SUFU: variants seen among roughly 807,000 people sequenced by gnomAD.
The protein encoded by SUFU is SUFU negative regulator of hedgehog signaling.
In SUFU, 7 loss-of-function variants were observed where a neutral mutation model predicts 58.9. The ratio of observed to expected loss-of-function variants is 0.12; its 90% CI spans 0.07 to 0.22. The LOEUF is 0.22. Among genes scored for constraint, SUFU ranks in the 10% least tolerant of loss-of-function variants. SUFU has a pLI of 1.00. For synonymous variants in SUFU, 232 were observed against 254.8 expected (o/e 0.91, Z 0.85); for missense variants, 451 against 641.3 (o/e 0.70, Z 3.20).
Position 102,540,671 on chromosome 10 carries a change from C to A in SUFU, c.318-9299C>A, listed in dbSNP as rs145505260. 4.4e-3 allele frequency among the ~76,000 whole-genome samples: 669 copies of A among 150,932 alleles called. 7 individuals carry two copies. The highest frequency in any genetic ancestry group is 0.016 in the African/African-American group (632 of 40,758). On this transcript the variant is annotated intron_variant, in intron 2 of 11. Coordinates refer to ENST00000369902, the MANE Select transcript of SUFU (RefSeq NM_016169.4). ...GTCTCAAAAAATAATAACTAACTAA[C>A]TAAATAAATACTATACCCGTGGCAT...
chr10:102,505,762 A>G (rs2062317274), intron 1 of SUFU, among the ~76,000 whole-genome samples: 1 of 152,176 alleles, frequency 6.6e-6, no homozygotes, highest in African/African-American at 2.4e-5. Flanking sequence ...GTCCTCTCTC[A>G]CTGGCGAACT....
chr10:102,627,506 C>T (rs1409457511), intron 11 of SUFU, among the ~76,000 whole-genome samples: 1 of 152,234 alleles, frequency 6.6e-6, no homozygotes, highest in Non-Finnish European at 1.5e-5. Flanking sequence ...CCCAGCAAAT[C>T]GTCTGAATTG....
Position 102,630,512 on chromosome 10 carries a change from C to T in SUFU, c.*357C>T, listed in dbSNP as rs778015806. On this transcript the variant is annotated 3_prime_UTR_variant, in exon 12 of 12. Transcript: ENST00000369902. ...GCCCTCTTTCTCACCTACCCCCTGCCGCACAGCCCAGCAGGAGGGAGGCGG... is the reference window on the plus strand; with the variant it reads ...GCCCTCTTTCTCACCTACCCCCTGCTGCACAGCCCAGCAGGAGGGAGGCGG... The T allele has an allele frequency of 4.5e-6, 2 of 442,644 alleles. No homozygotes were observed. The highest frequency in any genetic ancestry group is 2.0e-5 in the African/African-American group (1 of 51,064). The allele number at this position is 442,644 out of a possible 1,614,324, so 27.4% of individuals were successfully genotyped here. A position where few individuals can be genotyped will look rare whatever the true frequency, so the allele number is the denominator to read the frequency against.
intron 2 of SUFU, among the ~76,000 whole-genome samples, chr10:102,520,572 A>G (rs904090680): frequency 6.6e-6 from 1 of 152,318 alleles, no homozygotes; most frequent in East Asian, 1.9e-4. Flanking sequence ...ACAGCACCAT[A>G]CAAACTAGTT....
At chr10:102,543,938 C>CTTAA (rs1278107184) in intron 2 of SUFU, among the ~76,000 whole-genome samples, 1 of 152,174 alleles carries the variant, frequency 6.6e-6, no homozygotes, top group Non-Finnish European at 1.5e-5. Context: ...AGAAGATAGA[C>CTTAA]TTAATTAGGC....
intron 8 of SUFU, among the ~76,000 whole-genome samples, chr10:102,609,889 G>C (rs1048819711): frequency 6.6e-6 from 1 of 152,144 alleles, no homozygotes; most frequent in African/African-American, 2.4e-5. Flanking sequence ...TAGTGAGCTT[G>C]GTGTCACTCT....
chr10:102,555,021 T>C (rs542115175), intron 3 of SUFU, among the ~76,000 whole-genome samples: 14 of 152,200 alleles, frequency 9.2e-5, no homozygotes, highest in South Asian at 6.2e-4. Context: ...GTAATCCCAG[T>C]ACTCTGGGAG....
chr10:102,616,229 C>T (rs111313582), intron 9 of SUFU, among the ~76,000 whole-genome samples: 2 of 152,346 alleles, frequency 1.3e-5, no homozygotes, highest in African/African-American at 2.4e-5. Flanking sequence ...CAGCTCTGTG[C>T]TCAGGGCTGC....
chr10:102,617,934 G>A lies in SUFU; in HGVS notation c.1296+506G>A, dbSNP rs1268860032. On this transcript the variant is annotated intron_variant, in intron 10 of 11. Coordinates refer to ENST00000369902, the MANE Select transcript of SUFU (RefSeq NM_016169.4). The surrounding 1 kb of genome is among the most constrained non-coding windows in gnomAD (Gnocchi z 4.4). The stretch of plus-strand genomic sequence containing the variant: ...CCTACCCCCATCTGACAGCCCTCCC[G>A]TTCCTCCTGAGTTTGTGTGACCAGA... 3.2e-5 allele frequency: 7 copies of A among 216,352 alleles called. No individual in the cohort carries two copies. The highest frequency in any genetic ancestry group is 1.0e-4 in the Admixed American group (2 of 19,312). 13.4% of individuals were successfully genotyped at this position (216,352 alleles called of 1,614,324 possible). A position where few individuals can be genotyped will look rare whatever the true frequency, so the allele number is the denominator to read the frequency against.
At chr10:102,623,804 G>C (rs985156286) in intron 10 of SUFU, among the ~76,000 whole-genome samples, 11 of 152,190 alleles carry the variant, frequency 7.2e-5, no homozygotes, top group Non-Finnish European at 4.4e-5. Flanking sequence ...GCCGGACATG[G>C]TGATGGTCAC....
intron 8 of SUFU, among the ~76,000 whole-genome samples, chr10:102,603,125 G>A (rs1432130233): frequency 1.3e-5 from 2 of 152,156 alleles, no homozygotes; most frequent in African/African-American, 4.8e-5. Flanking sequence ...CAGAAGATAC[G>A]TGTGGTCAGG....
At chr10:102,618,976 G>GTGTGTGTA in intron 10 of SUFU, 1 of 928,764 alleles carries the variant, frequency 1.1e-6, no homozygotes, top group Non-Finnish European at 1.8e-6. Flanking sequence ...GTGTGTGTGT[G>GTGTGTGTA]TGTAATGTTC....
At chr10:102,553,567 C>G (rs1252272690) in intron 3 of SUFU, among the ~76,000 whole-genome samples, 2 of 152,014 alleles carry the variant, frequency 1.3e-5, no homozygotes, top group Admixed American at 1.3e-4. Context: ...AGATTCACGC[C>G]ATTCTCCTGC....
chr10:102,575,722 C>G (rs940593547), intron 3 of SUFU, among the ~76,000 whole-genome samples: 3 of 152,212 alleles, frequency 2.0e-5, no homozygotes, highest in African/African-American at 7.2e-5. Flanking sequence ...CAGATTAGTG[C>G]CACTGCATTT....
chr10:102,509,095 A>G (rs1245497406), intron 1 of SUFU, 74 bp from the exon 2 acceptor site: 56 of 1,605,090 alleles, frequency 3.5e-5, no homozygotes, highest in Non-Finnish European at 4.2e-5. Flanking sequence ...TAGGTTTACA[A>G]AGTAGAGCGC....
chr10:102,537,655 A>T (rs1202782127), intron 2 of SUFU, among the ~76,000 whole-genome samples: 1 of 152,068 alleles, frequency 6.6e-6, no homozygotes, highest in Non-Finnish European at 1.5e-5. Context: ...ATCATATGAC[A>T]TTTGTCCCTT....
chr10:102,586,541 C>T (rs2063337558), intron 3 of SUFU, among the ~76,000 whole-genome samples: 1 of 151,936 alleles, frequency 6.6e-6, no homozygotes. Flanking sequence ...GGCATGGTGG[C>T]GGGTGCCTGT....
chr10:102,552,733 A>G (rs2062932206), intron 3 of SUFU, among the ~76,000 whole-genome samples: 1 of 152,244 alleles, frequency 6.6e-6, no homozygotes, highest in African/African-American at 2.4e-5. Flanking sequence ...ATTAACGGAT[A>G]AAAGGACCTG....
chr10:102,604,566 G>A (rs2063544605), intron 8 of SUFU, among the ~76,000 whole-genome samples: 1 of 152,052 alleles, frequency 6.6e-6, no homozygotes, highest in Non-Finnish European at 1.5e-5. Flanking sequence ...CTTGATCCTC[G>A]GTGTCACCCA....
Sources: allele counts gnomAD v4.1 joint callset (sites outside exome capture counted in the v4.1 genomes callset), GRCh38; gene constraint gnomAD v4.1.1; non-coding constraint Gnocchi (gnomAD v3.1); transcripts MANE v1.5; gene names NCBI Gene and HGNC (gene_info 2026-07-23, HGNC 2026-07-21).